Variants in GABRG3 observed in about 807,000 individuals in gnomAD.
GABRG3 encodes gamma-aminobutyric acid receptor subunit gamma-3.
In GABRG3, 25 loss-of-function variants were observed where a neutral mutation model predicts 48.8. The observed-to-expected ratio is 0.51, with a 90% CI of 0.37 to 0.72. The LOEUF is 0.72. GABRG3 is among the 30% of genes least tolerant of loss of function. The pLI is 0.00. For synonymous variants in GABRG3, 227 were observed against 217.6 expected (o/e 1.04, Z -0.38); for missense variants, 394 against 577.9 (o/e 0.68, Z 3.26).
In GABRG3 at chr15:27,344,171, GC is replaced by G. The variant is rs551521290; in HGVS notation, c.574+15284del. Reference sequence around the variant, plus strand: ...TTCTGAGGGGTCTGGGGAGTGAGGAGCAGCATGAATTTTCTCCCTAGTTAGG... The same window carrying G: ...TTCTGAGGGGTCTGGGGAGTGAGGAGAGCATGAATTTTCTCCCTAGTTAGG... On this transcript the variant is annotated intron_variant, in intron 5 of 9. Transcript: ENST00000615808. Among the ~76,000 whole-genome samples the G allele has an allele frequency of 1.8e-3, 279 of 152,166 alleles. 1 individual carries two copies. Among genetic ancestry groups the G allele is most frequent in the African/African-American group, 6.5e-3 (268 of 41,520 alleles).
At chr15:27,031,337 C>T (rs1039124402) in intron 3 of GABRG3, among the ~76,000 whole-genome samples, 3 of 152,178 alleles carry the variant, frequency 2.0e-5, no homozygotes, top group Non-Finnish European at 4.4e-5. Flanking sequence ...CTTCCTATCC[C>T]CAGACGCTGG....
chr15:27,246,598 T>A lies in GABRG3; in HGVS notation c.271-80211T>A, dbSNP rs116113821. Among the ~76,000 whole-genome samples the A allele has an allele frequency of 7.7e-3, 1,180 of 152,330 alleles. 16 individuals carry two copies. Among genetic ancestry groups the A allele is most frequent in the African/African-American group, 0.026 (1,071 of 41,568 alleles). ...CTTTCTTAGCTTAAATTTTTTTTTA[T>A]GTTGGCTTTAAGTAATATCAAATTT... On this transcript the variant is annotated intron_variant, in intron 3 of 9. Transcript: ENST00000615808.
intron 5 of GABRG3, among the ~76,000 whole-genome samples, chr15:27,343,976 T>G (rs2140530486): frequency 6.6e-6 from 1 of 152,044 alleles, no homozygotes; most frequent in East Asian, 1.9e-4. Flanking sequence ...CAGAAAAGTT[T>G]ATGCATTTTC....
At chr15:27,164,011 G>T (rs913917241) in intron 3 of GABRG3, among the ~76,000 whole-genome samples, 44 of 152,174 alleles carry the variant, frequency 2.9e-4, no homozygotes, top group African/African-American at 1.1e-3. Context: ...AGGGACCCAT[G>T]TCCATGTTCG....
At chr15:27,021,191 AAAATT>A (rs1456166784) in intron 2 of GABRG3, among the ~76,000 whole-genome samples, 1 of 152,208 alleles carries the variant, frequency 6.6e-6, no homozygotes. Context: ...ATCAATAAAA[AAAATT>A]AAAAGAGAAA....
intron 5 of GABRG3, among the ~76,000 whole-genome samples, chr15:27,372,760 ACT>A (rs1427005044): frequency 6.6e-6 from 1 of 151,940 alleles, no homozygotes; most frequent in Non-Finnish European, 1.5e-5. Context: ...TCCAGCTCAA[ACT>A]CTGTCTCCTC....
At chr15:27,108,076 G>A (rs1897482412) in intron 3 of GABRG3, among the ~76,000 whole-genome samples, 1 of 151,098 alleles carries the variant, frequency 6.6e-6, no homozygotes, top group Non-Finnish European at 1.5e-5. Flanking sequence ...TATACTCTTA[G>A]TTTTTATCAC....
intron 2 of GABRG3, among the ~76,000 whole-genome samples, chr15:26,994,051 A>G (rs959813207): frequency 6.6e-6 from 1 of 151,928 alleles, no homozygotes; most frequent in Admixed American, 6.6e-5. Flanking sequence ...TTGGCATGGA[A>G]TATCTTTTCC....
intron 3 of GABRG3, among the ~76,000 whole-genome samples, chr15:27,045,274 C>T (rs1266950548): frequency 6.6e-6 from 1 of 152,198 alleles, no homozygotes; most frequent in African/African-American, 2.4e-5. Context: ...TCAGGTTGTC[C>T]TGAACAGGAC....
At chr15:27,222,466 A>C (rs1351628824) in intron 3 of GABRG3, among the ~76,000 whole-genome samples, 1 of 152,212 alleles carries the variant, frequency 6.6e-6, no homozygotes, top group Non-Finnish European at 1.5e-5. Context: ...AAAGATCCAC[A>C]AGCAAACTCC....
chr15:27,013,363 G>A (rs1215862582), intron 2 of GABRG3, among the ~76,000 whole-genome samples: 2 of 152,092 alleles, frequency 1.3e-5, no homozygotes, highest in African/African-American at 4.8e-5. Context: ...ATGTGCAGGA[G>A]TTTTTAAGTT....
chr15:27,500,482 C>T (rs1408382327), intron 6 of GABRG3, among the ~76,000 whole-genome samples: 5 of 152,156 alleles, frequency 3.3e-5, no homozygotes, highest in Admixed American at 3.3e-4. Flanking sequence ...TGTCAACCTT[C>T]GAAAGGTACA....
chr15:27,085,147 A>C (rs922555895), intron 3 of GABRG3, among the ~76,000 whole-genome samples: 1 of 152,244 alleles, frequency 6.6e-6, no homozygotes, highest in African/African-American at 2.4e-5. Context: ...TGGTGTGAAC[A>C]GTCATTCTGA....
chr15:27,317,105 A>G (rs1486703897), intron 3 of GABRG3, among the ~76,000 whole-genome samples: 1 of 152,174 alleles, frequency 6.6e-6, no homozygotes, highest in Admixed American at 6.5e-5. Flanking sequence ...CACCATCTTC[A>G]TAATAATTTT....
At chr15:27,476,670 T>A (rs899025026) in intron 5 of GABRG3, among the ~76,000 whole-genome samples, 1 of 151,792 alleles carries the variant, frequency 6.6e-6, no homozygotes, top group South Asian at 2.1e-4. Context: ...TATACAGAAA[T>A]GAATATACCT....
At chr15:27,094,296 T>C (rs1426960914) in intron 3 of GABRG3, among the ~76,000 whole-genome samples, 2 of 152,078 alleles carry the variant, frequency 1.3e-5, no homozygotes, top group African/African-American at 4.8e-5. Context: ...AAAGCCGGAG[T>C]GCATGGCCCA....
chr15:27,242,290 T>C (rs1208722983), intron 3 of GABRG3, among the ~76,000 whole-genome samples: 1 of 152,162 alleles, frequency 6.6e-6, no homozygotes, highest in East Asian at 1.9e-4. Flanking sequence ...AGAGTTCCCT[T>C]ATAAGGATTC....
At chr15:27,216,593 C>T (rs1311243032) in intron 3 of GABRG3, among the ~76,000 whole-genome samples, 3 of 152,114 alleles carry the variant, frequency 2.0e-5, no homozygotes, top group Non-Finnish European at 4.4e-5. Flanking sequence ...TTCTGAAACA[C>T]CCTCCTGGGA....
At chr15:27,262,178 G>C (rs1395823101) in intron 3 of GABRG3, among the ~76,000 whole-genome samples, 1 of 152,186 alleles carries the variant, frequency 6.6e-6, no homozygotes, top group Non-Finnish European at 1.5e-5. Context: ...GAAAGGTCAC[G>C]TGCACCAGGC....
Sources: allele counts gnomAD v4.1 joint callset (sites outside exome capture counted in the v4.1 genomes callset), GRCh38; gene constraint gnomAD v4.1.1; transcripts MANE v1.5; gene names NCBI Gene and HGNC (gene_info 2026-07-23, HGNC 2026-07-21).